Variants in OSBPL10 observed in about 807,000 individuals in gnomAD.
OSBPL10 encodes the protein oxysterol-binding protein-related protein 10.
OSBPL10 carries 49 observed loss-of-function variants against 81.7 expected under a neutral mutation model. The ratio of observed to expected loss-of-function variants is 0.60; its 90% CI spans 0.48 to 0.76. The LOEUF is 0.76. Among genes scored for constraint, OSBPL10 ranks in the 30% least tolerant of loss-of-function variants. OSBPL10 has a pLI of 0.00. For missense variants in OSBPL10, 923 were observed against 987.8 expected (o/e 0.93, Z 0.88); for synonymous variants, 419 against 383.6 (o/e 1.09, Z -1.08).
upstream of OSBPL10, among the ~76,000 whole-genome samples, chr3:31,984,965 G>A (rs1006624764): frequency 1.1e-4 from 17 of 152,302 alleles, no homozygotes; most frequent in African/African-American, 3.8e-4. Flanking sequence ...TAGGCCAGGC[G>A]CGGTGGCTCA....
At chr3:32,002,068 A>G (rs1699154679) in intron 2 of OSBPL10, among the ~76,000 whole-genome samples, 1 of 152,202 alleles carries the variant, frequency 6.6e-6, no homozygotes, top group South Asian at 2.1e-4. Context: ...TTCCCAGTTT[A>G]AACTGCCCAG....
chr3:32,069,136 T>C (rs1282855098), intron 1 of OSBPL10, among the ~76,000 whole-genome samples: 1 of 152,300 alleles, frequency 6.6e-6, no homozygotes, highest in Non-Finnish European at 1.5e-5. Flanking sequence ...AATCAGCCAG[T>C]GTTTAGGCTC....
rs111336656 is a variant in OSBPL10, at chr3:31,867,763, AAGGGAGGGAGGG to A, written c.537+8658_537+8669del. ...AGAAAGAGAAAGGAAGGGAGGAAGGAAGGGAGGGAGGGAGGGAGGGAGGGAAACAGACAGACA... is the reference window on the plus strand; with the variant it reads ...AGAAAGAGAAAGGAAGGGAGGAAGGAAGGGAGGGAGGGAAACAGACAGACA... On this transcript the variant is annotated intron_variant, in intron 3 of 11. Coordinates refer to ENST00000396556, the MANE Select transcript of OSBPL10 (RefSeq NM_017784.5). Among the ~76,000 whole-genome samples, 347 of 136,698 alleles carry A rather than the reference AAGGGAGGGAGGG, an allele frequency of 2.5e-3. 1 individual carries two copies. Among genetic ancestry groups the A allele is most frequent in the African/African-American group, 8.5e-3 (319 of 37,524 alleles). The allele number at this position is 136,698 out of a possible 152,430, so 89.7% of individuals were successfully genotyped here. A position where few individuals can be genotyped will look rare whatever the true frequency, so the allele number is the denominator to read the frequency against.
chr3:31,755,186 A>G (rs1402257898), intron 4 of OSBPL10, among the ~76,000 whole-genome samples: 1 of 152,184 alleles, frequency 6.6e-6, no homozygotes, highest in African/African-American at 2.4e-5. Flanking sequence ...CCAGCCTTCC[A>G]GGATGGGAGC....
chr3:31,743,750 C>G (rs1697431593), intron 5 of OSBPL10, among the ~76,000 whole-genome samples: 2 of 152,192 alleles, frequency 1.3e-5, no homozygotes, highest in African/African-American at 4.8e-5. Flanking sequence ...TCAGGTAAGA[C>G]GGGCCTTCCT....
intron 5 of OSBPL10, among the ~76,000 whole-genome samples, chr3:31,740,457 T>C (rs543028681): frequency 2.2e-4 from 33 of 152,226 alleles, no homozygotes; most frequent in African/African-American, 6.5e-4. Flanking sequence ...AATATTAAAA[T>C]ATTAATAACA....
Position 31,951,127 on chromosome 3 carries a change from G to A in OSBPL10, c.281+29772C>T, listed in dbSNP as rs182077951. Among the ~76,000 whole-genome samples, 23 of 152,168 alleles carry A rather than the reference G, an allele frequency of 1.5e-4. 1 individual carries two copies. Among genetic ancestry groups the A allele is most frequent in the Middle Eastern group, 3.4e-3 (1 of 292 alleles). On this transcript the variant is annotated intron_variant, in intron 1 of 11. Transcript: ENST00000396556. Reference sequence around the variant, plus strand: ...ACACAGCAGTAACACCGTTCACAGAGGAAGAAATGGTGAACAACCTAAATA... The same window carrying A: ...ACACAGCAGTAACACCGTTCACAGAAGAAGAAATGGTGAACAACCTAAATA...
rs754808258 is a variant in OSBPL10, at chr3:31,684,209, C to A, written c.1246-95G>T. The A allele has an allele frequency of 1.5e-4, 225 of 1,482,766 alleles. No homozygotes were observed. The Middle Eastern group carries it at 1.6e-3, about 11-fold the overall frequency. The allele number at this position is 1,482,766 out of a possible 1,614,324, so 91.9% of individuals were successfully genotyped here. ...GGCTGCAACCACTGTTAAGCAAATT[C>A]ATAACATCTCCAGCCAGGGAGCAGT... On this transcript the variant is annotated intron_variant, in intron 7 of 11. Transcript: ENST00000396556.
At chr3:32,006,687 C>T (rs13327469) in intron 2 of OSBPL10, among the ~76,000 whole-genome samples, 20,410 of 152,258 alleles carry the variant, frequency 0.13, 1,483 homozygotes, top group Middle Eastern at 0.21. Context: ...TGTTGCCTTT[C>T]TCCACTGACT....
chr3:32,039,898 C>T (rs1237109334), intron 2 of OSBPL10, among the ~76,000 whole-genome samples: 2 of 152,110 alleles, frequency 1.3e-5, no homozygotes, highest in Non-Finnish European at 2.9e-5. Flanking sequence ...AAGACAGTCT[C>T]ACTCACGGAT....
At chr3:31,966,751 C>T (rs372175774) in intron 1 of OSBPL10, among the ~76,000 whole-genome samples, 1 of 151,540 alleles carries the variant, frequency 6.6e-6, no homozygotes, top group Non-Finnish European at 1.5e-5. Flanking sequence ...AAACAAACAA[C>T]CTGATTGAAA....
chr3:31,845,193 C>T (rs1001975210), intron 3 of OSBPL10, among the ~76,000 whole-genome samples: 4 of 152,176 alleles, frequency 2.6e-5, no homozygotes, highest in Non-Finnish European at 4.4e-5. Context: ...ACCGGCAATT[C>T]TAACACTTTC....
At chr3:31,889,923 T>C (rs1475745960) in intron 1 of OSBPL10, among the ~76,000 whole-genome samples, 1 of 152,064 alleles carries the variant, frequency 6.6e-6, no homozygotes, top group Non-Finnish European at 1.5e-5. Flanking sequence ...ATATGTACAA[T>C]TATGTGTCAA....
At chr3:31,685,826 G>T (rs1374495778) in intron 7 of OSBPL10, among the ~76,000 whole-genome samples, 1 of 152,140 alleles carries the variant, frequency 6.6e-6, no homozygotes, top group Non-Finnish European at 1.5e-5. Context: ...CAAATGACTT[G>T]GATGTGATGG....
intron 1 of OSBPL10, among the ~76,000 whole-genome samples, chr3:31,957,734 G>C (rs1322819751): frequency 6.6e-6 from 1 of 152,088 alleles, no homozygotes; most frequent in Non-Finnish European, 1.5e-5. Context: ...TCCGTCTCCG[G>C]GGTTCAAGCA....
intron 1 of OSBPL10, among the ~76,000 whole-genome samples, chr3:31,910,875 GAATTA>G (rs1183656088): frequency 6.6e-6 from 1 of 152,100 alleles, no homozygotes; most frequent in Non-Finnish European, 1.5e-5. Context: ...ACTACTTCAT[GAATTA>G]AAGGACCCCC....
chr3:31,951,035 C>G (rs775502933), intron 1 of OSBPL10, among the ~76,000 whole-genome samples: 2 of 152,180 alleles, frequency 1.3e-5, no homozygotes, highest in Non-Finnish European at 2.9e-5. Context: ...ACCAACAATT[C>G]AACTTCTACA....
intron 2 of OSBPL10, among the ~76,000 whole-genome samples, chr3:32,013,081 G>A (rs1214440523): frequency 6.6e-6 from 1 of 152,150 alleles, no homozygotes; most frequent in East Asian, 1.9e-4. Context: ...ACTCAGCTCT[G>A]CACCAAGCGG....
chr3:32,039,340 A>T (rs4955225), intron 2 of OSBPL10, among the ~76,000 whole-genome samples: 102,152 of 149,754 alleles, frequency 0.68, 36,979 homozygotes, highest in South Asian at 0.84. Context: ...ATAAATAAAT[A>T]AATTAATTAA....
Sources: allele counts gnomAD v4.1 joint callset (sites outside exome capture counted in the v4.1 genomes callset), GRCh38; gene constraint gnomAD v4.1.1; transcripts MANE v1.5; gene names NCBI Gene and HGNC (gene_info 2026-07-23, HGNC 2026-07-21).